Variants in ATAT1 observed in about 807,000 individuals in gnomAD.
ATAT1 encodes alpha-tubulin N-acetyltransferase 1.
A neutral mutation model predicts 57.2 loss-of-function variants in ATAT1; 42 were observed. The ratio of observed to expected loss-of-function variants is 0.73; its 90% CI spans 0.57 to 0.95. The LOEUF is 0.95. Among genes scored for constraint, ATAT1 ranks in the 40% least tolerant of loss-of-function variants. ATAT1 has a pLI of 0.00. For missense variants in ATAT1, 454 were observed against 523.7 expected (o/e 0.87, Z 1.30); for synonymous variants, 168 against 187.1 (o/e 0.90, Z 0.83).
chr6:30,643,385 C>T (rs1011979923), intron 10 of ATAT1: 12 of 1,474,830 alleles, frequency 8.1e-6, no homozygotes, highest in Admixed American at 2.2e-5. Flanking sequence ...GCTTGTGTGC[C>T]AAGAGTCCAT....
intron 10 of ATAT1, chr6:30,643,970 C>T (rs1766103131): frequency 9.6e-7 from 1 of 1,044,558 alleles, no homozygotes; most frequent in Admixed American, 5.1e-5. Context: ...GGGATAAACC[C>T]CATATTCCCT....
At chr6:30,641,981 C>T (rs1018307777) in intron 8 of ATAT1, 195 bp from the exon 9 acceptor site, 25 of 1,440,126 alleles carry the variant, frequency 1.7e-5, no homozygotes, top group South Asian at 1.2e-4. Flanking sequence ...TTCTGGCTTT[C>T]CTCAACAGTG....
intron 6 of ATAT1, among the ~76,000 whole-genome samples, chr6:30,632,786 A>T (rs943620445): frequency 1.3e-5 from 2 of 151,712 alleles, no homozygotes; most frequent in African/African-American, 4.8e-5. Context: ...TAGAAAAAAA[A>T]ATTAGCCAGG....
chr6:30,644,038 G>C, intron 10 of ATAT1: 1 of 991,716 alleles, frequency 1.0e-6, no homozygotes, highest in Non-Finnish European at 1.2e-6. Context: ...CTTGCCCTTT[G>C]AGCCTGCGAA....
intron 6 of ATAT1, among the ~76,000 whole-genome samples, chr6:30,632,617 T>A (rs1763154234): frequency 6.6e-6 from 1 of 151,930 alleles, no homozygotes; most frequent in Non-Finnish European, 1.5e-5. Context: ...GATTTTTTCC[T>A]TTTTAACAAG....
intron 5 of ATAT1, 37 bp from the exon 6 acceptor site, chr6:30,628,292 A>T: frequency 1.3e-6 from 2 of 1,596,276 alleles, no homozygotes; most frequent in Middle Eastern, 1.7e-4. Flanking sequence ...TGCTTTCCCC[A>T]TACTTCCTCC....
At chr6:30,646,309 T>C (rs1023518015) in intron 12 of ATAT1, 160 bp from the exon 13 acceptor site, 2 of 1,447,932 alleles carry the variant, frequency 1.4e-6, no homozygotes, top group African/African-American at 2.9e-5. Context: ...GAATACGGAT[T>C]CTCTGAGAGG....
chr6:30,642,318 C>G (rs998821464), intron 9 of ATAT1, 71 bp downstream of exon 9: 15 of 1,595,544 alleles, frequency 9.4e-6, no homozygotes, highest in Non-Finnish European at 1.1e-5. Context: ...GCTCAGGGGA[C>G]CCAGGGAAAG....
At position 30,627,461 on chromosome 6, in the gene ATAT1, G is replaced by C. The variant is rs1481204261; in HGVS notation, c.73G>C (p.Val25Leu). The change falls in exon 2 of 13, where the codon GTT becomes CTT. Residue 25 changes from valine (V) to leucine (L), a missense_variant and splice_region_variant. Coordinates refer to ENST00000330083, the MANE Select transcript of ATAT1 (RefSeq NM_001031722.4). ...TCTTTATTTCTTCTCTTTCTCTAGT[G>C]TTGATCTACAGCAGCAAATTATGAC... The C allele has an allele frequency of 6.2e-7, 1 of 1,613,386 alleles. No homozygotes were observed. The highest frequency in any genetic ancestry group is 2.2e-5 in the East Asian group (1 of 44,890).
At chr6:30,637,610 G>A (rs965986474) in intron 6 of ATAT1, among the ~76,000 whole-genome samples, 1 of 151,902 alleles carries the variant, frequency 6.6e-6, no homozygotes, top group Non-Finnish European at 1.5e-5. Context: ...TTGAACCTGG[G>A]AGGTGGAAGT....
chr6:30,642,042 C>T (rs138409464), intron 8 of ATAT1, 134 bp from the exon 9 acceptor site: 408 of 1,553,474 alleles, frequency 2.6e-4, no homozygotes, highest in Non-Finnish European at 3.3e-4. Context: ...TGCCATGGTG[C>T]TGCTCCTGCA....
chr6:30,633,332 G>A (rs1047962729), intron 6 of ATAT1, among the ~76,000 whole-genome samples: 13 of 152,090 alleles, frequency 8.5e-5, no homozygotes, highest in Non-Finnish European at 5.9e-5. Context: ...AGGAGGTTTG[G>A]GGAGGAGAGT....
At position 30,637,699 on chromosome 6, in the gene ATAT1, C is replaced by T. The variant is rs555381376; in HGVS notation, c.502-2678C>T. ...TTCCATGTTAAAAAAAAAAAAAGGCCGGACGCATTGGCTCGCGCCTGTAAC... is the reference window on the plus strand; with the variant it reads ...TTCCATGTTAAAAAAAAAAAAAGGCTGGACGCATTGGCTCGCGCCTGTAAC... On this transcript the variant is annotated intron_variant, in intron 6 of 12. Coordinates refer to ENST00000330083, the MANE Select transcript of ATAT1 (RefSeq NM_001031722.4). Among the ~76,000 whole-genome samples the T allele has an allele frequency of 5.3e-5, 8 of 150,690 alleles. No homozygotes were observed. The South Asian group carries it at 1.5e-3, about 28-fold the overall frequency.
intron 6 of ATAT1, among the ~76,000 whole-genome samples, chr6:30,629,660 T>C (rs1762426253): frequency 6.6e-6 from 1 of 152,202 alleles, no homozygotes; most frequent in African/African-American, 2.4e-5. Flanking sequence ...TTCTCCTGCC[T>C]CAGCCTCCCG....
intron 6 of ATAT1, among the ~76,000 whole-genome samples, chr6:30,633,139 AAG>A (rs1763280454): frequency 6.6e-6 from 1 of 152,198 alleles, no homozygotes; most frequent in Non-Finnish European, 1.5e-5. Flanking sequence ...TATGTGGAGA[AAG>A]AGGACTTTAG....
intron 8 of ATAT1, chr6:30,641,830 T>C (rs781107722): frequency 9.1e-7 from 1 of 1,102,906 alleles, no homozygotes; most frequent in Non-Finnish European, 1.1e-6. Flanking sequence ...ACCATTCCAC[T>C]GCCCCAGAAT....
chr6:30,642,718 T>C (rs1307083100), intron 9 of ATAT1, 50 bp from the exon 10 acceptor site: 3 of 1,211,218 alleles, frequency 2.5e-6, no homozygotes, highest in Non-Finnish European at 2.4e-6. Context: ...CATGACTCTC[T>C]TCCTTTTTTC....
At position 30,642,834 on chromosome 6, in the gene ATAT1, C is replaced by CCCCCCCCCCCCCCCCCCCCCCCG; in HGVS notation, c.757_758insCCCCCCCCCCCCCCCCCCCCGCC (p.His253ProfsTer74). 1 of 415,886 alleles carries CCCCCCCCCCCCCCCCCCCCCCCG rather than the reference C, an allele frequency of 2.4e-6. No individual in the cohort carries two copies. Among genetic ancestry groups the CCCCCCCCCCCCCCCCCCCCCCCG allele is most frequent in the Non-Finnish European group, 4.0e-6 (1 of 251,606 alleles). 25.8% of individuals were successfully genotyped at this position (415,886 alleles called of 1,614,324 possible). ...GCCCCTCGCCGCGCCACACCTCCAG[C>CCCCCCCCCCCCCCCCCCCCCCCG]CCACCCACCCCCCCGCTCCAGCAGC... On this transcript the variant is annotated frameshift_variant, in exon 10 of 13. Coordinates refer to ENST00000330083, the MANE Select transcript of ATAT1 (RefSeq NM_001031722.4). LOFTEE classifies it high-confidence loss of function.
chr6:30,635,795 C>G (rs1470151147), intron 6 of ATAT1, among the ~76,000 whole-genome samples: 1 of 152,092 alleles, frequency 6.6e-6, no homozygotes, highest in African/African-American at 2.4e-5. Flanking sequence ...TGTTTGGAAG[C>G]CTGGATGCAG....
Sources: allele counts gnomAD v4.1 joint callset (sites outside exome capture counted in the v4.1 genomes callset), GRCh38; gene constraint gnomAD v4.1.1; transcripts MANE v1.5; gene names NCBI Gene and HGNC (gene_info 2026-07-23, HGNC 2026-07-21).